The following GRIA4 variants were observed in gnomAD, a reference collection of about 807,000 sequenced individuals.
GRIA4 encodes glutamate receptor 4.
Under a neutral mutation model 104.0 loss-of-function variants are expected in GRIA4, and 34 were observed. The observed-to-expected ratio is 0.33, with a 90% CI of 0.25 to 0.44. The LOEUF is 0.44. GRIA4 is among the 20% of genes least tolerant of loss of function. The probability of loss-of-function intolerance (pLI) is 1.00; values close to 1 mark genes in which losing one functional copy is unlikely to be tolerated. For synonymous variants in GRIA4, 386 were observed against 381.9 expected, an observed-to-expected ratio of 1.01 and a Z score of -0.13; for missense variants, 750 against 1,096.5, an observed-to-expected ratio of 0.68 and a Z score of 4.46.
At chr11:105,657,030 A>C (rs1242750712) in intron 3 of GRIA4, among the ~76,000 whole-genome samples, 6 of 122,156 alleles carry the variant, frequency 4.9e-5, no homozygotes, top group African/African-American at 1.1e-4. Flanking sequence ...AGATGGGTTT[A>C]TTGCTCCAGA....
intron 4 of GRIA4, among the ~76,000 whole-genome samples, chr11:105,803,159 C>T (rs1198501686): frequency 1.3e-5 from 2 of 151,862 alleles, no homozygotes; most frequent in Non-Finnish European, 2.9e-5. Flanking sequence ...GTATAAAAAT[C>T]ACTTATTTTT....
chr11:105,845,813 C>T (rs1944570064), intron 4 of GRIA4, among the ~76,000 whole-genome samples: 1 of 152,074 alleles, frequency 6.6e-6, no homozygotes, highest in Non-Finnish European at 1.5e-5. Flanking sequence ...ATGACGTGAA[C>T]CCGGGAGTCG....
At chr11:105,623,442 C>A (rs1325336705) in intron 3 of GRIA4, among the ~76,000 whole-genome samples, 1 of 151,866 alleles carries the variant, frequency 6.6e-6, no homozygotes, top group Non-Finnish European at 1.5e-5. Context: ...TACCTAGAAC[C>A]CTCCAATGAC....
At chr11:105,654,457 A>G (rs1382304317) in intron 3 of GRIA4, among the ~76,000 whole-genome samples, 2 of 152,124 alleles carry the variant, frequency 1.3e-5, no homozygotes, top group African/African-American at 2.4e-5. Flanking sequence ...TAATCGTAAG[A>G]ACAATACTTT....
chr11:105,707,094 T>G (rs1199099720), intron 3 of GRIA4: 1 of 152,494 alleles, frequency 6.6e-6, no homozygotes, highest in East Asian at 1.9e-4. Flanking sequence ...TCTAAGTACA[T>G]TCATTTTGAA....
At chr11:105,848,148 C>T (rs1271718682) in intron 4 of GRIA4, among the ~76,000 whole-genome samples, 2 of 152,118 alleles carry the variant, frequency 1.3e-5, no homozygotes, top group African/African-American at 2.4e-5. Context: ...TAATGGAGAA[C>T]ATTTGCTTAT....
At chr11:105,977,392 A>T (rs982523657) in intron 16 of GRIA4, among the ~76,000 whole-genome samples, 1 of 151,972 alleles carries the variant, frequency 6.6e-6, no homozygotes, top group African/African-American at 2.4e-5. Flanking sequence ...TCTTTCAAAG[A>T]TTTAAGATGG....
intron 3 of GRIA4, among the ~76,000 whole-genome samples, chr11:105,718,239 ACTACATGTGTAG>A (rs1288375044): frequency 6.6e-6 from 1 of 152,174 alleles, no homozygotes; most frequent in African/African-American, 2.4e-5. Flanking sequence ...AAGTATATAG[ACTACATGTGTAG>A]CACTGACTGA....
In GRIA4 at chr11:105,895,252, C is replaced by CGTGTGTGTGTGTGTGT. The variant is rs59472131; in HGVS notation, c.727-3004_727-2989dup. On this transcript the variant is annotated intron_variant, in intron 6 of 16. Transcript: ENST00000282499. ...CAATTACAAAAGCTACGAGCTCATG[C>CGTGTGTGTGTGTGTGT]GTGTGTGTGTGTGTGTGTGTGTGTG... is the stretch of plus-strand genomic sequence containing the variant. Among the ~76,000 whole-genome samples the CGTGTGTGTGTGTGTGT allele has an allele frequency of 2.5e-3, 375 of 148,860 alleles. 2 individuals carry two copies. Among genetic ancestry groups the CGTGTGTGTGTGTGTGT allele is most frequent in the Middle Eastern group, 6.8e-3 (2 of 292 alleles).
At chr11:105,683,235 A>C (rs1452730547) in intron 3 of GRIA4, among the ~76,000 whole-genome samples, 1 of 151,938 alleles carries the variant, frequency 6.6e-6, no homozygotes, top group African/African-American at 2.4e-5. Flanking sequence ...TTTATATAGC[A>C]CTTTATATTT....
chr11:105,625,478 A>G (rs777666764), intron 3 of GRIA4, among the ~76,000 whole-genome samples: 1 of 152,154 alleles, frequency 6.6e-6, no homozygotes, highest in Non-Finnish European at 1.5e-5. Flanking sequence ...CAAGCTAAGT[A>G]ACATTTCTTT....
intron 4 of GRIA4, among the ~76,000 whole-genome samples, chr11:105,825,933 T>G (rs1943755330): frequency 6.6e-6 from 1 of 152,026 alleles, no homozygotes; most frequent in South Asian, 2.1e-4. Context: ...CAGCACCACT[T>G]TAGCTTCCCT....
chr11:105,972,658 A>G (rs1005892612), intron 15 of GRIA4, among the ~76,000 whole-genome samples: 2 of 152,166 alleles, frequency 1.3e-5, no homozygotes, highest in African/African-American at 4.8e-5. Context: ...TTTTTTAAAC[A>G]ATGCAGGAAA....
chr11:105,917,180 T>C (rs538038998), intron 10 of GRIA4, among the ~76,000 whole-genome samples: 1 of 152,276 alleles, frequency 6.6e-6, no homozygotes, highest in South Asian at 2.1e-4. Flanking sequence ...GCCTTACTTT[T>C]ATGTGTGGAA....
chr11:105,690,344 T>G (rs908730242), intron 3 of GRIA4, among the ~76,000 whole-genome samples: 2 of 152,164 alleles, frequency 1.3e-5, no homozygotes, highest in Admixed American at 6.5e-5. Context: ...AAGCTACTCA[T>G]TTTTGTTTTC....
intron 3 of GRIA4, among the ~76,000 whole-genome samples, chr11:105,722,174 T>A (rs1192511788): frequency 2.0e-5 from 3 of 152,162 alleles, no homozygotes; most frequent in Non-Finnish European, 2.9e-5. Flanking sequence ...GTAAGAATAT[T>A]TCTGTATACA....
In GRIA4 at chr11:105,981,142, A is replaced by G. The variant is rs1484298241; in HGVS notation, c.*1403A>G. ...TGTAAAGAAAATTATACTCATGTTT[A>G]TTTATAAAAATCACCTTATGTATGA... is the stretch of plus-strand genomic sequence containing the variant. On this transcript the variant is annotated 3_prime_UTR_variant, in exon 17 of 17. Transcript: ENST00000282499. 1 of 152,646 alleles carries G rather than the reference A, an allele frequency of 6.6e-6. No individual in the cohort carries two copies. Among genetic ancestry groups the G allele is most frequent in the Non-Finnish European group, 1.5e-5 (1 of 68,022 alleles). The allele number at this position is 152,646 out of a possible 1,614,324, so 9.5% of individuals were successfully genotyped here.
chr11:105,814,024 A>G (rs917661870), intron 4 of GRIA4, among the ~76,000 whole-genome samples: 15 of 152,184 alleles, frequency 9.9e-5, no homozygotes, highest in African/African-American at 3.4e-4. Flanking sequence ...AAAAAAGGCA[A>G]AAACCTTCCA....
intron 3 of GRIA4, among the ~76,000 whole-genome samples, chr11:105,620,721 T>TA (rs1205243580): frequency 6.6e-6 from 1 of 151,844 alleles, no homozygotes; most frequent in Admixed American, 6.6e-5. Context: ...CAACCAAGTG[T>TA]AAAAACGACT....
Sources: allele counts gnomAD v4.1 joint callset (sites outside exome capture counted in the v4.1 genomes callset), GRCh38; gene constraint gnomAD v4.1.1; transcripts MANE v1.5; gene names NCBI Gene and HGNC (gene_info 2026-07-23, HGNC 2026-07-21).